Variants in GNAO1 observed in about 807,000 individuals in gnomAD.
GNAO1 encodes the protein G protein subunit alpha o1, also known as guanine nucleotide-binding protein G(o) subunit alpha.
For synonymous variants in GNAO1, 164 were observed against 180.7 expected (o/e 0.91, Z 0.74); for missense variants, 166 against 478.7 (o/e 0.35, Z 6.10).
intron 3 of GNAO1, among the ~76,000 whole-genome samples, chr16:56,318,743 C>T (rs2037540268): frequency 6.6e-6 from 1 of 152,192 alleles, no homozygotes; most frequent in African/African-American, 2.4e-5. Context: ...ATCATGCTTG[C>T]CTAGAAAGTC....
intron 2 of GNAO1, among the ~76,000 whole-genome samples, chr16:56,262,749 A>G (rs556874603): frequency 1.3e-5 from 2 of 152,354 alleles, no homozygotes; most frequent in South Asian, 2.1e-4. Context: ...AGCTGCCCTT[A>G]TCAGGCAGAT....
intron 3 of GNAO1, chr16:56,300,601 G>T (rs558841153): frequency 6.6e-6 from 1 of 152,286 alleles, no homozygotes; most frequent in Non-Finnish European, 1.5e-5. Flanking sequence ...TGAATCTGGG[G>T]TTACTCACCT....
intron 6 of GNAO1, among the ~76,000 whole-genome samples, chr16:56,349,158 C>G (rs1252810514): frequency 6.6e-6 from 1 of 152,152 alleles, no homozygotes; most frequent in Non-Finnish European, 1.5e-5. Flanking sequence ...CCTAAATGAG[C>G]CGGACTTGAT....
At chr16:56,336,185 C>T (rs765846338) in intron 5 of GNAO1, among the ~76,000 whole-genome samples, 3 of 152,232 alleles carry the variant, frequency 2.0e-5, no homozygotes, top group Non-Finnish European at 4.4e-5. Flanking sequence ...AGAAAGGGGC[C>T]GTACTGGGCA....
chr16:56,214,566 G>A lies in GNAO1; in HGVS notation c.161+21950G>A, dbSNP rs140430447. Among the ~76,000 whole-genome samples the A allele has an allele frequency of 7.9e-3, 1,199 of 152,304 alleles. 19 individuals carry two copies. Among genetic ancestry groups the A allele is most frequent in the Admixed American group, 0.012 (184 of 15,306 alleles). On this transcript the variant is annotated intron_variant, in intron 2 of 8. Transcript: ENST00000262493. ...AGGATGAAGTTAAAGTAAACAGGAC[G>A]TTTTTAAAAAGACACTAAAAATCAT... is the stretch of plus-strand genomic sequence containing the variant.
At chr16:56,233,785 G>A (rs8055155) in intron 2 of GNAO1, among the ~76,000 whole-genome samples, 21,428 of 152,130 alleles carry the variant, frequency 0.14, 2,002 homozygotes, top group African/African-American at 0.26. Flanking sequence ...GCAGGCTGAG[G>A]GCCCCTTGGC....
At chr16:56,267,532 C>T (rs997194768) in intron 2 of GNAO1, among the ~76,000 whole-genome samples, 2 of 152,144 alleles carry the variant, frequency 1.3e-5, no homozygotes, top group South Asian at 2.1e-4. Flanking sequence ...CTCCAGGCAC[C>T]GGTGCTGTTC....
At chr16:56,286,319 A>G (rs1376280292) in intron 3 of GNAO1, among the ~76,000 whole-genome samples, 1 of 152,170 alleles carries the variant, frequency 6.6e-6, no homozygotes, top group Non-Finnish European at 1.5e-5. Flanking sequence ...GTAAGTTAGG[A>G]CATGTTGGTT....
rs548855693 is a variant in GNAO1, at chr16:56,354,800, TCCCCAGC to T, written c.878-63_878-57del. 4,037 of 962,112 alleles carry T rather than the reference TCCCCAGC, an allele frequency of 4.2e-3. 9 individuals are homozygous for T. Among genetic ancestry groups the T allele is most frequent in the Non-Finnish European group, 5.7e-3 (3,511 of 613,548 alleles). The allele number at this position is 962,112 out of a possible 1,614,324, so 59.6% of individuals were successfully genotyped here. A position where few individuals can be genotyped will look rare whatever the true frequency, so the allele number is the denominator to read the frequency against. On this transcript the variant is annotated intron_variant, in intron 7 of 8. Coordinates refer to ENST00000262493, the MANE Select transcript of GNAO1 (RefSeq NM_020988.3). This position sits in a 1 kb window ranked among gnomAD's most constrained non-coding sequence, Gnocchi z 4.3. ...CCACAACCCACTTCTTGTCTTCATG[TCCCCAGC>T]CCTGTCCACCCACAGCGCTCATCAG...
intron 3 of GNAO1, among the ~76,000 whole-genome samples, chr16:56,327,470 C>T (rs550956194): frequency 6.6e-6 from 1 of 152,034 alleles, no homozygotes; most frequent in African/African-American, 2.4e-5. Context: ...TCTTGCCACT[C>T]GCTCCTGAGG....
intron 2 of GNAO1, among the ~76,000 whole-genome samples, chr16:56,219,446 G>A (rs1342080007): frequency 6.6e-6 from 1 of 152,158 alleles, no homozygotes; most frequent in Non-Finnish European, 1.5e-5. Flanking sequence ...TCTCACAGCA[G>A]AAAGCTTCTT....
chr16:56,259,471 G>A (rs2036883234), intron 2 of GNAO1, among the ~76,000 whole-genome samples: 1 of 152,220 alleles, frequency 6.6e-6, no homozygotes, highest in Non-Finnish European at 1.5e-5. Context: ...CATGCATGTT[G>A]GAGCTTGAAG....
chr16:56,328,619 C>T lies in GNAO1; in HGVS notation c.304-12C>T. 6.2e-7 allele frequency: 1 copy of T among 1,612,018 alleles called. No homozygotes were observed. The highest frequency in any genetic ancestry group is 1.7e-4 in the Middle Eastern group (1 of 6,056). Reference sequence around the variant, plus strand: ...CAAAGCGTCAAAGCCCACCATCCACCTCTCCTCACAGGCTGACGCCAAGAT... The same window carrying T: ...CAAAGCGTCAAAGCCCACCATCCACTTCTCCTCACAGGCTGACGCCAAGAT... On this transcript the variant is annotated splice_polypyrimidine_tract_variant and intron_variant, in intron 3 of 8. Transcript: ENST00000262493.
intron 3 of GNAO1, among the ~76,000 whole-genome samples, chr16:56,310,224 G>A (rs551374916): frequency 1.3e-5 from 2 of 152,160 alleles, no homozygotes; most frequent in Non-Finnish European, 2.9e-5. Flanking sequence ...GGTACTCGCA[G>A]GAGGCTGAGG....
intron 2 of GNAO1, among the ~76,000 whole-genome samples, chr16:56,265,365 C>A (rs1466711775): frequency 6.6e-6 from 1 of 152,234 alleles, no homozygotes; most frequent in Non-Finnish European, 1.5e-5. Flanking sequence ...ACAGCAGCTC[C>A]AGAAGGCAGG....
chr16:56,295,730 G>A (rs942261104), intron 3 of GNAO1, among the ~76,000 whole-genome samples: 3 of 152,124 alleles, frequency 2.0e-5, no homozygotes, highest in Non-Finnish European at 2.9e-5. Flanking sequence ...CCCAGTGTTC[G>A]TACGGTGCTC....
intron 2 of GNAO1, among the ~76,000 whole-genome samples, chr16:56,202,811 A>C (rs567600609): frequency 6.6e-6 from 1 of 152,242 alleles, no homozygotes; most frequent in East Asian, 1.9e-4. Flanking sequence ...TATTAAAACC[A>C]CTCATTTATT....
rs201064156 is a variant in GNAO1, at chr16:56,354,844, G to T, written c.878-22G>T. ...ACAGCGCTCATCAGGGCCTCTCCCC[G>T]TTCTTCTGTGTCTTGTTACAGGCCC... On this transcript the variant is annotated intron_variant, in intron 7 of 8. Transcript: ENST00000262493. The surrounding 1 kb of genome is among the most constrained non-coding windows in gnomAD (Gnocchi z 4.3). 12 of 1,562,236 alleles carry T rather than the reference G, an allele frequency of 7.7e-6. No individual in the cohort carries two copies. The African/African-American group carries it at 1.6e-4, about 21-fold the overall frequency.
intron 3 of GNAO1, among the ~76,000 whole-genome samples, chr16:56,325,823 A>G (rs561860237): frequency 2.0e-5 from 3 of 152,164 alleles, no homozygotes; most frequent in East Asian, 1.9e-4. Flanking sequence ...CCTAAATACC[A>G]TGACACTTCC....
Sources: allele counts gnomAD v4.1 joint callset (sites outside exome capture counted in the v4.1 genomes callset), GRCh38; gene constraint gnomAD v4.1.1; non-coding constraint Gnocchi (gnomAD v3.1); transcripts MANE v1.5; gene names NCBI Gene and HGNC (gene_info 2026-07-23, HGNC 2026-07-21).